RXRA: variants seen among roughly 807,000 people sequenced by gnomAD.
The protein encoded by RXRA is retinoid X receptor alpha, also known as retinoic acid receptor RXR-alpha.
In RXRA, 5 loss-of-function variants were observed where a neutral mutation model predicts 44.5. The observed-to-expected ratio is 0.11, with a 90% confidence interval of 0.06 to 0.24. The LOEUF is 0.24. RXRA is among the 10% of genes least tolerant of loss of function. The probability of loss-of-function intolerance (pLI) is 1.00; values close to 1 mark genes in which losing one functional copy is unlikely to be tolerated. For missense variants in RXRA, 412 were observed against 646.5 expected (o/e 0.64, Z 3.93); for synonymous variants, 291 against 271.4 (o/e 1.07, Z -0.71).
At chr9:134,369,146 G>A (rs1318790975) in intron 1 of RXRA, among the ~76,000 whole-genome samples, 7 of 73,812 alleles carry the variant, frequency 9.5e-5, no homozygotes, top group South Asian at 5.3e-4. Flanking sequence ...GTGGGGTTAT[G>A]TGTGTGTGAG....
intron 4 of RXRA, among the ~76,000 whole-genome samples, chr9:134,413,347 GTC>G (rs1370237197): frequency 1.3e-5 from 2 of 152,082 alleles, no homozygotes; most frequent in East Asian, 3.9e-4. Flanking sequence ...GGTGTGGTAT[GTC>G]TCTGTGTGTC....
intron 1 of RXRA, chr9:134,371,967 A>C (rs1278954147): frequency 6.6e-6 from 1 of 152,246 alleles, no homozygotes; most frequent in Non-Finnish European, 1.5e-5. Flanking sequence ...AGCCTGGTGC[A>C]GGACTGGGTG....
At chr9:134,340,189 G>A (rs1267022051) in intron 1 of RXRA, among the ~76,000 whole-genome samples, 1 of 152,156 alleles carries the variant, frequency 6.6e-6, no homozygotes, top group East Asian at 1.9e-4. Context: ...GCTTGTGCCT[G>A]CGGGTCCAGG....
intron 1 of RXRA, among the ~76,000 whole-genome samples, chr9:134,386,773 C>A (rs915614184): frequency 5.3e-5 from 8 of 152,170 alleles, no homozygotes; most frequent in Non-Finnish European, 1.2e-4. Flanking sequence ...TCCTTTCAGG[C>A]CACTTTGTTC....
chr9:134,395,417 G>A (rs1830863097), intron 1 of RXRA, among the ~76,000 whole-genome samples: 1 of 152,278 alleles, frequency 6.6e-6, no homozygotes, highest in Admixed American at 6.5e-5. Flanking sequence ...ATGTGTCACG[G>A]AAGGTTGGGT....
At position 134,421,568 on chromosome 9, in the gene RXRA, T is replaced by G. The variant is rs913802763; in HGVS notation, c.781-108T>G. 23 of 1,298,486 alleles carry G rather than the reference T, an allele frequency of 1.8e-5. 1 individual carries two copies. The highest frequency in any genetic ancestry group is 2.4e-5 in the Non-Finnish European group (23 of 950,804). The allele number at this position is 1,298,486 out of a possible 1,614,324, so 80.4% of individuals were successfully genotyped here. A position where few individuals can be genotyped will look rare whatever the true frequency, so the allele number is the denominator to read the frequency against. Reference sequence around the variant, plus strand: ...GCCTGGGCATCTTTGGGGGCCGTATTCAGCGTCCTGCATGGGCCCAGCGTG... The same window carrying G: ...GCCTGGGCATCTTTGGGGGCCGTATGCAGCGTCCTGCATGGGCCCAGCGTG... On this transcript the variant is annotated intron_variant, in intron 5 of 9. Coordinates refer to ENST00000481739, the MANE Select transcript of RXRA (RefSeq NM_002957.6).
intron 1 of RXRA, among the ~76,000 whole-genome samples, chr9:134,357,963 G>A (rs999962416): frequency 2.6e-5 from 4 of 152,186 alleles, no homozygotes; most frequent in African/African-American, 9.7e-5. Context: ...GCAGCATCCC[G>A]CCTGGGGCCT....
chr9:134,332,843 C>T (rs905368945), intron 1 of RXRA, among the ~76,000 whole-genome samples: 4 of 152,038 alleles, frequency 2.6e-5, no homozygotes, highest in African/African-American at 9.7e-5. Flanking sequence ...CTTGGGGCCC[C>T]TGTGAATGGC....
At chr9:134,401,496 C>A (rs180901755) in intron 1 of RXRA, 136 bp from the exon 2 acceptor site, 13 of 1,392,922 alleles carry the variant, frequency 9.3e-6, no homozygotes, top group African/African-American at 1.4e-5. Flanking sequence ...AGAGAGCTGT[C>A]GAGACCCACG....
chr9:134,429,375 AAG>A, intron 7 of RXRA, 135 bp downstream of exon 7: 1 of 961,394 alleles, frequency 1.0e-6, no homozygotes, highest in East Asian at 2.7e-5. Flanking sequence ...CACATGGAAA[AAG>A]AGAAAAGCAT....
intron 1 of RXRA, among the ~76,000 whole-genome samples, chr9:134,390,370 TTCCCAGGGC>T (rs1477495678): frequency 6.6e-6 from 1 of 152,124 alleles, no homozygotes; most frequent in Admixed American, 6.5e-5. Context: ...CTGCCAGAAG[TTCCCAGGGC>T]TCCCCATTAC....
intron 1 of RXRA, among the ~76,000 whole-genome samples, chr9:134,386,736 T>TC (rs67249843): frequency 2.0e-5 from 3 of 152,034 alleles, no homozygotes; most frequent in Non-Finnish European, 2.9e-5. Flanking sequence ...GTCTCTGGTG[T>TC]CCCCCCGGGT....
chr9:134,381,256 G>A (rs375899355), intron 1 of RXRA, among the ~76,000 whole-genome samples: 352 of 152,266 alleles, frequency 2.3e-3, no homozygotes, highest in African/African-American at 7.5e-3. Context: ...CAGGTTGCCC[G>A]GCCTGGGCTG....
chr9:134,367,293 T>C (rs1830426291), intron 1 of RXRA, among the ~76,000 whole-genome samples: 1 of 152,128 alleles, frequency 6.6e-6, no homozygotes, highest in South Asian at 2.1e-4. Flanking sequence ...CACAGCAGTC[T>C]AGGTGCTGCG....
chr9:134,332,192 C>T (rs1261198764), intron 1 of RXRA, among the ~76,000 whole-genome samples: 1 of 152,220 alleles, frequency 6.6e-6, no homozygotes, highest in East Asian at 1.9e-4. Flanking sequence ...AGCAGAGGCC[C>T]AGCCTGGAAC....
At chr9:134,356,702 TG>T (rs1412498394) in intron 1 of RXRA, among the ~76,000 whole-genome samples, 1 of 152,244 alleles carries the variant, frequency 6.6e-6, no homozygotes, top group Non-Finnish European at 1.5e-5. Context: ...CTTGGCTGCC[TG>T]CAGGGGAGGA....
intron 6 of RXRA, chr9:134,422,497 AGGACACTCCCCTCTCCCG>A (rs1281210988): frequency 1.7e-4 from 159 of 909,376 alleles, no homozygotes; most frequent in Non-Finnish European, 2.0e-4. Context: ...CCCCCCTCCC[AGGACACTCCCCTCTCCCG>A]GGACACTCCC....
intron 4 of RXRA, among the ~76,000 whole-genome samples, chr9:134,411,980 G>A (rs1831156529): frequency 6.6e-6 from 1 of 152,210 alleles, no homozygotes; most frequent in Non-Finnish European, 1.5e-5. Flanking sequence ...CGGTGGCTGG[G>A]AGGGCTTGGC....
Position 134,343,190 on chromosome 9 carries a change from C to T in RXRA, c.28+16531C>T, listed in dbSNP as rs1263887463. Reference sequence around the variant, plus strand: ...CTTTTACATGCTGTGTGACCTGGGGCAGCGTGTCTCTCTCTCTGAGTGTCG... The same window carrying T: ...CTTTTACATGCTGTGTGACCTGGGGTAGCGTGTCTCTCTCTCTGAGTGTCG... On this transcript the variant is annotated intron_variant, in intron 1 of 9. Coordinates refer to ENST00000481739, the MANE Select transcript of RXRA (RefSeq NM_002957.6). This position sits in a 1 kb window ranked among gnomAD's most constrained non-coding sequence, Gnocchi z 4.1. Among the ~76,000 whole-genome samples the T allele has an allele frequency of 6.6e-6, 1 of 152,172 alleles. No homozygotes were observed. Among genetic ancestry groups the T allele is most frequent in the Non-Finnish European group, 1.5e-5 (1 of 68,028 alleles).
Sources: allele counts gnomAD v4.1 joint callset (sites outside exome capture counted in the v4.1 genomes callset), GRCh38; gene constraint gnomAD v4.1.1; non-coding constraint Gnocchi (gnomAD v3.1); transcripts MANE v1.5; gene names NCBI Gene and HGNC (gene_info 2026-07-23, HGNC 2026-07-21).